Variants in F8 observed in about 807,000 individuals in gnomAD.
F8 encodes antihemophilic factor.
In F8, 12 loss-of-function variants were observed where a neutral mutation model predicts 140.6. The ratio of observed to expected loss-of-function variants is 0.09; its 90% CI spans 0.05 to 0.14. The LOEUF (loss-of-function observed/expected upper bound fraction) is 0.14. Among genes scored for constraint, F8 ranks in the 10% least tolerant of loss-of-function variants. The pLI is 1.00. For synonymous variants in F8, 585 were observed against 614.6 expected, an observed-to-expected ratio of 0.95 and a Z score of 0.71; for missense variants, 1,354 against 1,720.7, an observed-to-expected ratio of 0.79 and a Z score of 3.77.
chrX:154,876,257 C>G (rs1219950011), intron 22 of F8, among the ~76,000 whole-genome samples: 1 of 108,566 alleles, frequency 9.2e-6, no homozygotes, highest in Non-Finnish European at 1.9e-5. Flanking sequence ...GTAGCTGGGA[C>G]TACAGGCGCC....
At chrX:154,872,498 T>C (rs2072781218) in intron 22 of F8, among the ~76,000 whole-genome samples, 1 of 89,765 alleles carries the variant, frequency 1.1e-5, no homozygotes, top group Admixed American at 1.6e-4. Flanking sequence ...AGCTGAACAA[T>C]GAGAACACAT....
At chrX:154,860,362 G>T in intron 25 of F8, 70 bp downstream of exon 25, 1 of 1,129,303 alleles carries the variant, frequency 8.9e-7, no homozygotes, top group Non-Finnish European at 1.2e-6. Flanking sequence ...ACCTTTTTAT[G>T]TTATGTTAAG....
Position 154,903,899 on chromosome X carries a change from C to G in F8, c.5998+7G>C, listed in dbSNP as rs1557276113. 1 of 1,205,540 alleles carries G rather than the reference C, an allele frequency of 8.3e-7. No individual in the cohort carries two copies. Among genetic ancestry groups the G allele is most frequent in the Admixed American group, 2.2e-5 (1 of 45,970 alleles). On this transcript the variant is annotated splice_region_variant and intron_variant, in intron 18 of 25. Coordinates refer to ENST00000360256, the MANE Select transcript of F8 (RefSeq NM_000132.4). ...AGGTAGAAGAAAGAGCACAAACAAG[C>G]TCATACCTGGATAGAGATTGTACAG...
chrX:154,909,488 T>G (rs2073054080), intron 14 of F8: 1 of 116,545 alleles, frequency 8.6e-6, no homozygotes, highest in African/African-American at 3.2e-5. Context: ...GTATTCTTAA[T>G]GTAGGGCTGA....
intron 1 of F8, among the ~76,000 whole-genome samples, chrX:155,015,826 G>A (rs971419341): frequency 8.9e-6 from 1 of 112,237 alleles, no homozygotes; most frequent in African/African-American, 3.2e-5. Context: ...AATAAAAGTT[G>A]AAACTACGTT....
chrX:154,975,475 G>A (rs1442956199), intron 6 of F8, among the ~76,000 whole-genome samples: 1 of 112,130 alleles, frequency 8.9e-6, no homozygotes, highest in Non-Finnish European at 1.9e-5. Flanking sequence ...TTGCTTTGTG[G>A]CCTAATGTAT....
chrX:155,022,360 A>T (rs781937232), intron 1 of F8, 50 bp downstream of exon 1: 1 of 1,167,384 alleles, frequency 8.6e-7, no homozygotes, highest in East Asian at 3.0e-5. Flanking sequence ...AAGCAGACTT[A>T]CATCCCCACA....
intron 13 of F8, among the ~76,000 whole-genome samples, chrX:154,934,683 G>GAA (rs782687359): frequency 5.4e-5 from 6 of 111,496 alleles, no homozygotes; most frequent in Non-Finnish European, 1.1e-4. Flanking sequence ...AGTAAAGGCT[G>GAA]AAAACTCACA....
chrX:154,870,855 G>T (rs2072768816), intron 22 of F8, among the ~76,000 whole-genome samples: 1 of 111,152 alleles, frequency 9.0e-6, no homozygotes, highest in Non-Finnish European at 1.9e-5. Flanking sequence ...AAAGTCTCAG[G>T]GTACAAAATC....
At chrX:154,872,760 G>T (rs1217842272) in intron 22 of F8, among the ~76,000 whole-genome samples, 1 of 111,260 alleles carries the variant, frequency 9.0e-6, no homozygotes. Flanking sequence ...ATCTCTTTTT[G>T]CAGATGACAT....
intron 1 of F8, among the ~76,000 whole-genome samples, chrX:155,002,600 T>C (rs1449081922): frequency 1.0e-5 from 1 of 96,065 alleles, no homozygotes; most frequent in Non-Finnish European, 2.0e-5. Flanking sequence ...ACTTTTACCA[T>C]TGGCATATAT....
chrX:155,013,071 G>A (rs1041753932), intron 1 of F8, among the ~76,000 whole-genome samples: 7 of 105,429 alleles, frequency 6.6e-5, no homozygotes, highest in East Asian at 3.0e-4. Flanking sequence ...GCGTGAACCC[G>A]GGAGGCGGAG....
rs1477295443 is a variant in F8 at position 154,941,602 on chromosome X, A to G, written c.2113+6096T>C. ...ACACCCCACTGTCAACATTAGACAG[A>G]TCAACGAGACAGAAAGTTAACAAGG... On this transcript the variant is annotated intron_variant, in intron 13 of 25. Coordinates refer to ENST00000360256, the MANE Select transcript of F8 (RefSeq NM_000132.4). 4.5e-5 allele frequency among the ~76,000 whole-genome samples: 5 copies of G among 111,556 alleles called. No individual in the cohort carries two copies. The Admixed American group carries it at 4.8e-4, about 11-fold the overall frequency.
At chrX:154,976,020 C>T (rs1171892137) in intron 6 of F8, among the ~76,000 whole-genome samples, 1 of 111,207 alleles carries the variant, frequency 9.0e-6, no homozygotes, top group Non-Finnish European at 1.9e-5. Context: ...CTCAGCCTCC[C>T]GAGTAGCTGG....
rs2073195544 is a variant in F8, at chrX:154,931,172, C to T, written c.2618G>A (p.Gly873Asp). ...SGDMVFTPES[G>D]LQLRLNEKLG... The stretch of plus-strand genomic sequence containing the variant: ...TTTCTCATTTAATCTTAATTGGAGG[C>T]CTGACTCAGGGGTAAATACCATGTC... Residue 873 changes from glycine to aspartate, a missense_variant, in exon 14 of 26, where the codon GGC becomes GAC. Coordinates refer to ENST00000360256, the MANE Select transcript of F8 (RefSeq NM_000132.4). 9.1e-6 allele frequency: 11 copies of T among 1,211,038 alleles called. No individual in the cohort carries two copies. The highest frequency in any genetic ancestry group is 1.2e-5 in the Non-Finnish European group (11 of 895,076).
chrX:154,890,712 G>T (rs1413521642), intron 22 of F8, among the ~76,000 whole-genome samples: 1 of 112,301 alleles, frequency 8.9e-6, no homozygotes, highest in Non-Finnish European at 1.9e-5. Context: ...CAACACAAAT[G>T]AGAATAGCAA....
At chrX:154,890,970 A>G (rs1217629231) in intron 22 of F8, among the ~76,000 whole-genome samples, 5 of 113,020 alleles carry the variant, frequency 4.4e-5, no homozygotes, top group Non-Finnish European at 7.5e-5. Flanking sequence ...ATTCATGAAT[A>G]TAGATATAGA....
At chrX:154,839,415 T>G (rs1167290116) in intron 25 of F8, among the ~76,000 whole-genome samples, 1 of 104,601 alleles carries the variant, frequency 9.6e-6, no homozygotes, top group Non-Finnish European at 2.0e-5. Flanking sequence ...CAGGCTGGAG[T>G]GCAGTGGCAC....
chrX:154,962,893 CGAGAGAGA>C (rs141726799), intron 9 of F8, among the ~76,000 whole-genome samples: 9 of 95,896 alleles, frequency 9.4e-5, no homozygotes, highest in African/African-American at 2.3e-4. Flanking sequence ...GAGACAGAGA[CGAGAGAGA>C]GAGAGAGAGA....
Sources: gnomAD v4.1 joint callset for allele counts (sites outside exome capture counted in the v4.1 genomes callset) on GRCh38, gnomAD v4.1.1 for gene constraint, MANE v1.5 for transcripts, NCBI Gene and HGNC (gene_info 2026-07-23, HGNC 2026-07-21) for gene names.